Variants in ZSCAN5A observed in about 807,000 individuals in gnomAD.
ZSCAN5A encodes the protein zinc finger and SCAN domain-containing protein 5A.
ZSCAN5A carries 12 observed loss-of-function variants against 23.7 expected under a neutral mutation model. The ratio of observed to expected loss-of-function variants is 0.51; its 90% CI spans 0.32 to 0.82. ZSCAN5A has a LOEUF of 0.82. Among genes scored for constraint, ZSCAN5A ranks in the 40% least tolerant of loss-of-function variants. The probability of loss-of-function intolerance (pLI) is 0.03; values close to 1 mark genes in which losing one functional copy is unlikely to be tolerated. For missense variants in ZSCAN5A, 597 were observed against 617.9 expected (o/e 0.97, Z 0.36); for synonymous variants, 257 against 239.9 (o/e 1.07, Z -0.66).
At chr19:56,247,174 C>T (rs771023394) in intron 2 of ZSCAN5A, 7 of 606,908 alleles carry the variant, frequency 1.2e-5, no homozygotes, top group Admixed American at 2.7e-5. Flanking sequence ...GTGCTTCACG[C>T]AGCTCTCAGA....
chr19:56,348,132 C>T (rs999957868), intron 2 of ZSCAN5A: 1 of 152,180 alleles, frequency 6.6e-6, no homozygotes, highest in East Asian at 1.9e-4. Context: ...GCTCAAATCT[C>T]GGCTCCAGCG....
rs1466791601 is a variant in ZSCAN5A, at chr19:56,351,635, AC to A, written c.-358+11599del. ...GCTATTAAACTTTTCACTCCTTAAA[AC>A]TACTCCACATGTGTCCATGTCGTTA... is the stretch of plus-strand genomic sequence containing the variant. On this transcript the variant is annotated intron_variant, in intron 2 of 6. Transcript: ENST00000587340. This position sits in a 1 kb window ranked among gnomAD's most constrained non-coding sequence, Gnocchi z 4.8. Among the ~76,000 whole-genome samples the A allele has an allele frequency of 6.6e-6, 1 of 152,012 alleles. No individual in the cohort carries two copies. Among genetic ancestry groups the A allele is most frequent in the Non-Finnish European group, 1.5e-5 (1 of 68,006 alleles).
intron 2 of ZSCAN5A, among the ~76,000 whole-genome samples, chr19:56,229,595 G>A (rs930959470): frequency 1.3e-5 from 2 of 152,150 alleles, no homozygotes; most frequent in Admixed American, 1.3e-4. Flanking sequence ...CCCAATTCCC[G>A]ATTCCCCTAA....
intron 2 of ZSCAN5A, among the ~76,000 whole-genome samples, chr19:56,292,407 T>C (rs1376662329): frequency 2.6e-5 from 4 of 151,940 alleles, no homozygotes; most frequent in African/African-American, 9.7e-5. Flanking sequence ...GGACTACAGG[T>C]GTGCATCATC....
At chr19:56,324,324 A>G (rs2041412367) in intron 2 of ZSCAN5A, among the ~76,000 whole-genome samples, 1 of 152,240 alleles carries the variant, frequency 6.6e-6, no homozygotes, top group Admixed American at 6.5e-5. Flanking sequence ...TGGCTGAATA[A>G]TATTCCATTG....
rs553691517 is a variant in ZSCAN5A at position 56,286,308 on chromosome 19, C to T, written c.-128+26975G>A. 2.0e-5 allele frequency: 3 copies of T among 152,230 alleles called. No homozygotes were observed. The East Asian group carries it at 5.8e-4, about 29-fold the overall frequency. The allele number at this position is 152,230 out of a possible 1,614,324, so 9.4% of individuals were successfully genotyped here. ...GTGCTGGAATTACAGGTGTGAGCCC[C>T]GCACCTGACCCAAACTTTTTATTTT... is the stretch of plus-strand genomic sequence containing the variant. On this transcript the variant is annotated intron_variant, in intron 2 of 5. Coordinates refer to ENST00000683990, the MANE Select transcript of ZSCAN5A (RefSeq NM_001322064.3).
At chr19:56,257,914 C>G (rs1419105491) in intron 2 of ZSCAN5A, among the ~76,000 whole-genome samples, 1 of 133,020 alleles carries the variant, frequency 7.5e-6, no homozygotes. Context: ...TAGACACAGG[C>G]GCCGGGAGAC....
chr19:56,361,515 C>G (rs1192542407), intron 2 of ZSCAN5A, among the ~76,000 whole-genome samples: 1 of 152,108 alleles, frequency 6.6e-6, no homozygotes, highest in African/African-American at 2.4e-5. Context: ...CCATGGAGTA[C>G]TATGCAGCCA....
At chr19:56,307,477 T>G (rs557702633) in intron 2 of ZSCAN5A, among the ~76,000 whole-genome samples, 40 of 152,340 alleles carry the variant, frequency 2.6e-4, no homozygotes, top group African/African-American at 9.1e-4. Flanking sequence ...GAGGTACTTT[T>G]CCTAAGGTTA....
chr19:56,368,051 C>T (rs930725393), intron 1 of ZSCAN5A: 1 of 152,394 alleles, frequency 6.6e-6, no homozygotes, highest in African/African-American at 2.4e-5. Flanking sequence ...AAGGCAACCG[C>T]TTGATTCTCT....
In ZSCAN5A at chr19:56,242,618, A is replaced by G. The variant is rs573893798; in HGVS notation, c.-127-17445T>C. ...TCCTGTCAATTCTTTCTTCCTTCTGAAGACCTTTCGGTTGCTTCCCCCACC... is the reference window on the plus strand; with the variant it reads ...TCCTGTCAATTCTTTCTTCCTTCTGGAGACCTTTCGGTTGCTTCCCCCACC... On this transcript the variant is annotated intron_variant, in intron 2 of 5. Transcript: ENST00000683990. Among the ~76,000 whole-genome samples the G allele has an allele frequency of 3.3e-5, 5 of 152,100 alleles. No homozygotes were observed. The East Asian group carries it at 5.8e-4, about 18-fold the overall frequency.
chr19:56,228,294 C>T, intron 2 of ZSCAN5A: 2 of 985,372 alleles, frequency 2.0e-6, no homozygotes, highest in Middle Eastern at 5.2e-4. Context: ...GTCTGGGATG[C>T]GCTCTCCAAC....
intron 2 of ZSCAN5A, among the ~76,000 whole-genome samples, chr19:56,237,286 T>G (rs112554994): frequency 4.8e-4 from 73 of 152,282 alleles, no homozygotes; most frequent in African/African-American, 1.7e-3. Flanking sequence ...CACGTACAAT[T>G]TTTCTCCTTT....
intron 2 of ZSCAN5A, among the ~76,000 whole-genome samples, chr19:56,262,318 C>T (rs10404368): frequency 0.061 from 9,293 of 151,974 alleles, 929 homozygotes; most frequent in African/African-American, 0.21. Context: ...CGTGCCCGGC[C>T]CACTTTTCTA....
intron 2 of ZSCAN5A, among the ~76,000 whole-genome samples, chr19:56,260,672 T>C (rs2037064964): frequency 6.6e-6 from 1 of 152,166 alleles, no homozygotes; most frequent in Non-Finnish European, 1.5e-5. Flanking sequence ...ACAGTGACCA[T>C]CTAAGTAAAC....
intron 2 of ZSCAN5A, among the ~76,000 whole-genome samples, chr19:56,257,700 C>T (rs567333423): frequency 8.3e-5 from 11 of 133,064 alleles, no homozygotes; most frequent in African/African-American, 1.7e-4. Context: ...ACACAGGCGC[C>T]GGGGGACTCT....
intron 2 of ZSCAN5A, among the ~76,000 whole-genome samples, chr19:56,239,666 A>C (rs1202646770): frequency 6.6e-6 from 1 of 152,048 alleles, no homozygotes; most frequent in Non-Finnish European, 1.5e-5. Context: ...AGTTTGAAAA[A>C]GAAAAGTAAA....
chr19:56,323,039 T>C (rs991300303), intron 2 of ZSCAN5A, among the ~76,000 whole-genome samples: 1 of 150,538 alleles, frequency 6.6e-6, no homozygotes, highest in African/African-American at 2.4e-5. Flanking sequence ...GGATTACAGG[T>C]GCCCGCCACC....
intron 2 of ZSCAN5A, chr19:56,342,382 G>T: frequency 5.1e-6 from 1 of 197,642 alleles, no homozygotes. Flanking sequence ...TATCATTGTA[G>T]ATACTAGTAC....
Sources: allele counts gnomAD v4.1 joint callset (sites outside exome capture counted in the v4.1 genomes callset), GRCh38; gene constraint gnomAD v4.1.1; non-coding constraint Gnocchi (gnomAD v3.1); transcripts MANE v1.5; gene names NCBI Gene and HGNC (gene_info 2026-07-23, HGNC 2026-07-21).